Variants in SFN observed in about 807,000 individuals in gnomAD.
SFN encodes 14-3-3 protein sigma.
Under a neutral mutation model 19.1 loss-of-function variants are expected in SFN, and 5 were observed. That is an observed-to-expected ratio of 0.26 (90% CI 0.14 to 0.55). SFN has a LOEUF of 0.55. Ranked by LOEUF, SFN falls within the 20% of genes least tolerant of loss-of-function variation. The pLI is 0.94. For missense variants in SFN, 287 were observed against 330.0 expected (o/e 0.87, Z 1.01); for synonymous variants, 130 against 140.9 (o/e 0.92, Z 0.55).
chr1:26,864,010 G>T lies in SFN; in HGVS notation c.*51G>T, dbSNP rs764533155. On this transcript the variant is annotated 3_prime_UTR_variant, in exon 1 of 1. Coordinates refer to ENST00000339276, the MANE Select transcript of SFN (RefSeq NM_006142.5). This position sits in a 1 kb window ranked among gnomAD's most constrained non-coding sequence, Gnocchi z 5.2. ...GCCCCCTCCAGTCCCCCACCCTGCCGAGAGGACTAGTATGGGGTGGGAGGC... is the reference window on the plus strand; with the variant it reads ...GCCCCCTCCAGTCCCCCACCCTGCCTAGAGGACTAGTATGGGGTGGGAGGC... 3 of 1,402,582 alleles carry T rather than the reference G, an allele frequency of 2.1e-6. No homozygotes were observed. The highest frequency in any genetic ancestry group is 2.9e-6 in the Non-Finnish European group (3 of 1,049,854). The allele number at this position is 1,402,582 out of a possible 1,614,324, so 86.9% of individuals were successfully genotyped here.
Position 26,863,915 on chromosome 1 carries a change from G to T in SFN, c.703G>T (p.Ala235Ser). 6.2e-7 allele frequency: 1 copy of T among 1,613,954 alleles called. No individual in the cohort carries two copies. Among genetic ancestry groups the T allele is most frequent in the Non-Finnish European group, 8.5e-7 (1 of 1,179,922 alleles). ...DNLTLWTADN[A>S]GEEGGEAPQE... ...CCTGACACTGTGGACGGCCGACAACGCCGGGGAAGAGGGGGGCGAGGCTCC... is the reference window on the plus strand; with the variant it reads ...CCTGACACTGTGGACGGCCGACAACTCCGGGGAAGAGGGGGGCGAGGCTCC... The change falls in exon 1 of 1, where the codon GCC (alanine) becomes TCC (serine). Residue 235 changes from alanine (A) to serine (S), a missense_variant. Coordinates refer to ENST00000339276, the MANE Select transcript of SFN (RefSeq NM_006142.5). This position sits in a 1 kb window ranked among gnomAD's most constrained non-coding sequence, Gnocchi z 7.4.
At position 26,864,067 on chromosome 1, in the gene SFN, T is replaced by G. The variant is rs1356131308; in HGVS notation, c.*108T>G. On this transcript the variant is annotated 3_prime_UTR_variant, in exon 1 of 1. Transcript: ENST00000339276. This position sits in a 1 kb window ranked among gnomAD's most constrained non-coding sequence, Gnocchi z 5.2. ...CTTCTCCCCTAGGCGCTGTTCTTGC[T>G]CCAAAGGGCTCCGTGGAGAGGGACT... 1 of 999,940 alleles carries G rather than the reference T, an allele frequency of 1.0e-6. No homozygotes were observed. The highest frequency in any genetic ancestry group is 1.4e-6 in the Non-Finnish European group (1 of 690,378). The allele number at this position is 999,940 out of a possible 1,614,324, so 61.9% of individuals were successfully genotyped here.
At position 26,863,863 on chromosome 1, in the gene SFN, C is replaced by A; in HGVS notation, c.651C>A (p.Thr217=). 1.9e-6 allele frequency: 3 copies of A among 1,614,142 alleles called. No homozygotes were observed. The highest frequency in any genetic ancestry group is 2.5e-6 in the Non-Finnish European group (3 of 1,180,010). The change falls in exon 1 of 1, where the codon ACC becomes ACA. Residue 217 remains threonine, a synonymous_variant. Transcript: ENST00000339276. This position sits in a 1 kb window ranked among gnomAD's most constrained non-coding sequence, Gnocchi z 7.4. ...TLSEDSYKDS[T]LIMQLLRDNL... ...GCGAGGACTCCTACAAAGACAGCAC[C>A]CTCATCATGCAGCTGCTGCGAGACA...
chr1:26,864,180 G>A lies in SFN; in HGVS notation c.*221G>A. 1.8e-6 allele frequency: 1 copy of A among 556,174 alleles called. No individual in the cohort carries two copies. The highest frequency in any genetic ancestry group is 3.3e-6 in the Non-Finnish European group (1 of 305,132). 34.5% of individuals were successfully genotyped at this position (556,174 alleles called of 1,614,324 possible). ...AACCACTGGTCATGCCCCCACCCCT[G>A]CTCTCCGCACCCGCTTCCTCCCGAC... On this transcript the variant is annotated 3_prime_UTR_variant, in exon 1 of 1. Transcript: ENST00000339276. This position sits in a 1 kb window ranked among gnomAD's most constrained non-coding sequence, Gnocchi z 5.2.
rs1435547031 is a variant in SFN, at chr1:26,863,984, TGCCCC to T, written c.*26_*30del. ...AGTGTTGCCCGCCACCGCCCCGCCC[TGCCCC>T]CTCCAGTCCCCCACCCTGCCGAGAG... On this transcript the variant is annotated 3_prime_UTR_variant, in exon 1 of 1. Coordinates refer to ENST00000339276, the MANE Select transcript of SFN (RefSeq NM_006142.5). The surrounding 1 kb of genome is among the most constrained non-coding windows in gnomAD (Gnocchi z 7.4). 1.6e-6 allele frequency: 2 copies of T among 1,235,276 alleles called. No individual in the cohort carries two copies. Among genetic ancestry groups the T allele is most frequent in the East Asian group, 6.6e-5 (2 of 30,356 alleles). The allele number at this position is 1,235,276 out of a possible 1,614,324, so 76.5% of individuals were successfully genotyped here.
Position 26,863,744 on chromosome 1 carries a change from G to A in SFN, c.532G>A (p.Val178Ile), listed in dbSNP as rs771907479. Reference sequence around the variant, plus strand: ...CCTGGGCCTGGCCCTGAACTTTTCCGTCTTCCACTACGAGATCGCCAACAG... The same window carrying A: ...CCTGGGCCTGGCCCTGAACTTTTCCATCTTCCACTACGAGATCGCCAACAG... ...IRLGLALNFS[V>I]FHYEIANSPE... The change falls in exon 1 of 1, where the codon GTC (valine) becomes ATC (isoleucine). Residue 178 changes from valine to isoleucine, a missense_variant. Physicochemically the swap from Val to Ile is conservative, Grantham distance 29. Transcript: ENST00000339276. This position sits in a 1 kb window ranked among gnomAD's most constrained non-coding sequence, Gnocchi z 7.4. The A allele has an allele frequency of 4.3e-6, 7 of 1,614,024 alleles. No individual in the cohort carries two copies. Among genetic ancestry groups the A allele is most frequent in the Admixed American group, 1.7e-5 (1 of 60,008 alleles).
chr1:26,863,405 A>T lies in SFN; in HGVS notation c.193A>T (p.Ile65Phe). The change falls in exon 1 of 1, where the codon ATT becomes TTT. Residue 65 changes from isoleucine (I) to phenylalanine (F), a missense_variant. Transcript: ENST00000339276. This position sits in a 1 kb window ranked among gnomAD's most constrained non-coding sequence, Gnocchi z 7.4. ...QRAAWRVLSS[I>F]EQKSNEEGSE... is the part of the protein sequence containing the mutation. ...GGCTGCCTGGAGGGTGCTGTCCAGT[A>T]TTGAGCAGAAAAGCAACGAGGAGGG... The T allele has an allele frequency of 6.2e-7, 1 of 1,614,180 alleles. No individual in the cohort carries two copies. Among genetic ancestry groups the T allele is most frequent in the South Asian group, 1.1e-5 (1 of 91,080 alleles).
At position 26,863,686 on chromosome 1, in the gene SFN, CA is replaced by C; in HGVS notation, c.476del (p.Lys159ArgfsTer16). The C allele has an allele frequency of 6.2e-7, 1 of 1,614,104 alleles. No homozygotes were observed. Reference sequence around the variant, plus strand: ...CCTACCAGGAGGCCATGGACATCAGCAAGAAGGAGATGCCGCCCACCAACCC... The same window carrying C: ...CCTACCAGGAGGCCATGGACATCAGCAGAAGGAGATGCCGCCCACCAACCC... ...SAYQEAMDIS[K>X]KEMPPTNPIR... On this transcript the variant is annotated frameshift_variant, in exon 1 of 1. Transcript: ENST00000339276. LOFTEE classifies it high-confidence loss of function. This position sits in a 1 kb window ranked among gnomAD's most constrained non-coding sequence, Gnocchi z 7.4.
Position 26,864,036 on chromosome 1 carries a change from C to T in SFN, c.*77C>T, listed in dbSNP as rs1051489776. The T allele has an allele frequency of 6.3e-6, 8 of 1,271,170 alleles. No homozygotes were observed. In the African/African-American group the frequency reaches 1.2e-4, roughly 19 times the overall value. The allele number at this position is 1,271,170 out of a possible 1,614,324, so 78.7% of individuals were successfully genotyped here. ...AGAGGACTAGTATGGGGTGGGAGGC[C>T]CCACCCTTCTCCCCTAGGCGCTGTT... On this transcript the variant is annotated 3_prime_UTR_variant, in exon 1 of 1. Coordinates refer to ENST00000339276, the MANE Select transcript of SFN (RefSeq NM_006142.5). This position sits in a 1 kb window ranked among gnomAD's most constrained non-coding sequence, Gnocchi z 5.2.
At position 26,863,597 on chromosome 1, in the gene SFN, C is replaced by G. The variant is rs1230335721; in HGVS notation, c.385C>G (p.Arg129Gly). ...FYLKMKGDYY[R>G]YLAEVATGDD... is the part of the protein sequence containing the mutation. Reference sequence around the variant, plus strand: ...CCTGAAGATGAAGGGTGACTACTACCGCTACCTGGCCGAGGTGGCCACCGG... The same window carrying G: ...CCTGAAGATGAAGGGTGACTACTACGGCTACCTGGCCGAGGTGGCCACCGG... The change falls in exon 1 of 1, where the codon CGC (arginine) becomes GGC (glycine). Residue 129 changes from arginine to glycine, a missense_variant. Transcript: ENST00000339276. The surrounding 1 kb of genome is among the most constrained non-coding windows in gnomAD (Gnocchi z 7.4). 6.2e-7 allele frequency: 1 copy of G among 1,614,084 alleles called. No individual in the cohort carries two copies. Among genetic ancestry groups the G allele is most frequent in the South Asian group, 1.1e-5 (1 of 91,080 alleles).
Position 26,863,859 on chromosome 1 carries a change from G to A in SFN, c.647G>A (p.Ser216Asn). 2 of 1,614,176 alleles carry A rather than the reference G, an allele frequency of 1.2e-6. No homozygotes were observed. Among genetic ancestry groups the A allele is most frequent in the Non-Finnish European group, 8.5e-7 (1 of 1,180,020 alleles). The change falls in exon 1 of 1, where the codon AGC becomes AAC. Residue 216 changes from serine to asparagine, a missense_variant. By Grantham distance (46) the Ser-to-Asn change is conservative. Transcript: ENST00000339276. The surrounding 1 kb of genome is among the most constrained non-coding windows in gnomAD (Gnocchi z 7.4). ...HTLSEDSYKD[S>N]TLIMQLLRDN... ...CTCAGCGAGGACTCCTACAAAGACA[G>A]CACCCTCATCATGCAGCTGCTGCGA...
Position 26,864,260 on chromosome 1 carries a change from T to A in SFN, c.*301T>A. 2.3e-6 allele frequency: 1 copy of A among 442,070 alleles called. No homozygotes were observed. The highest frequency in any genetic ancestry group is 4.3e-6 in the Non-Finnish European group (1 of 232,852). The allele number at this position is 442,070 out of a possible 1,614,324, so 27.4% of individuals were successfully genotyped here. A position where few individuals can be genotyped will look rare whatever the true frequency, so the allele number is the denominator to read the frequency against. On this transcript the variant is annotated 3_prime_UTR_variant, in exon 1 of 1. Coordinates refer to ENST00000339276, the MANE Select transcript of SFN (RefSeq NM_006142.5). This position sits in a 1 kb window ranked among gnomAD's most constrained non-coding sequence, Gnocchi z 5.2. ...TTGCCTCCCTCCTGCCCCTGCTGCC[T>A]CTGATCGTAGGAATTGAGGAGTGTC... is the stretch of plus-strand genomic sequence containing the variant.
At position 26,864,071 on chromosome 1, in the gene SFN, A is replaced by C; in HGVS notation, c.*112A>C. ...TCCCCTAGGCGCTGTTCTTGCTCCA[A>C]AGGGCTCCGTGGAGAGGGACTGGCA... On this transcript the variant is annotated 3_prime_UTR_variant, in exon 1 of 1. Coordinates refer to ENST00000339276, the MANE Select transcript of SFN (RefSeq NM_006142.5). The surrounding 1 kb of genome is among the most constrained non-coding windows in gnomAD (Gnocchi z 5.2). 2.0e-6 allele frequency: 2 copies of C among 986,774 alleles called. No individual in the cohort carries two copies. Among genetic ancestry groups the C allele is most frequent in the Non-Finnish European group, 3.0e-6 (2 of 677,608 alleles). 61.1% of individuals were successfully genotyped at this position (986,774 alleles called of 1,614,324 possible). A position where few individuals can be genotyped will look rare whatever the true frequency, so the allele number is the denominator to read the frequency against.
Position 26,863,521 on chromosome 1 carries a change from G to A in SFN, c.309G>A (p.Leu103=), listed in dbSNP as rs1485053655. ...QGVCDTVLGL[L]DSHLIKEAGD... ...TGTGCGACACCGTGCTGGGCCTGCT[G>A]GACAGCCACCTCATCAAGGAGGCCG... The change falls in exon 1 of 1, where the codon CTG becomes CTA. Residue 103 remains leucine, a synonymous_variant. Coordinates refer to ENST00000339276, the MANE Select transcript of SFN (RefSeq NM_006142.5). The surrounding 1 kb of genome is among the most constrained non-coding windows in gnomAD (Gnocchi z 7.4). The A allele has an allele frequency of 1.2e-6, 2 of 1,613,980 alleles. No homozygotes were observed. The highest frequency in any genetic ancestry group is 1.1e-5 in the South Asian group (1 of 91,074).
rs751002391 is a variant in SFN, at chr1:26,864,446, CTG to C, written c.*490_*491del. On this transcript the variant is annotated 3_prime_UTR_variant, in exon 1 of 1. Transcript: ENST00000339276. This position sits in a 1 kb window ranked among gnomAD's most constrained non-coding sequence, Gnocchi z 5.2. ...CATGTTTCCTCTCAATAAAGTTCCC[CTG>C]TGACACTCCTCCTGTCTCTCTTCCA... The C allele has an allele frequency of 1.1e-3, 189 of 170,940 alleles. 2 individuals carry two copies. Among genetic ancestry groups the C allele is most frequent in the Non-Finnish European group, 1.6e-3 (113 of 70,708 alleles). 10.6% of individuals were successfully genotyped at this position (170,940 alleles called of 1,614,324 possible).
At position 26,863,518 on chromosome 1, in the gene SFN, G is replaced by A. The variant is rs1275978485; in HGVS notation, c.306G>A (p.Leu102=). The A allele has an allele frequency of 6.2e-7, 1 of 1,613,998 alleles. No individual in the cohort carries two copies. The highest frequency in any genetic ancestry group is 2.2e-5 in the East Asian group (1 of 44,874). The part of the protein sequence containing the change: ...LQGVCDTVLG[L]LDSHLIKEAG... ...GCGTGTGCGACACCGTGCTGGGCCT[G>A]CTGGACAGCCACCTCATCAAGGAGG... is the stretch of plus-strand genomic sequence containing the variant. Residue 102 remains leucine, a synonymous_variant, in exon 1 of 1, where the codon CTG becomes CTA. Coordinates refer to ENST00000339276, the MANE Select transcript of SFN (RefSeq NM_006142.5). This position sits in a 1 kb window ranked among gnomAD's most constrained non-coding sequence, Gnocchi z 7.4.
At position 26,863,552 on chromosome 1, in the gene SFN, G is replaced by A. The variant is rs2081769843; in HGVS notation, c.340G>A (p.Ala114Thr). 2 of 1,613,962 alleles carry A rather than the reference G, an allele frequency of 1.2e-6. No individual in the cohort carries two copies. Among genetic ancestry groups the A allele is most frequent in the East Asian group, 2.2e-5 (1 of 44,870 alleles). The stretch of plus-strand genomic sequence containing the variant: ...CCACCTCATCAAGGAGGCCGGGGAC[G>A]CCGAGAGCCGGGTCTTCTACCTGAA... ...DSHLIKEAGD[A>T]ESRVFYLKMK... Residue 114 changes from alanine to threonine, a missense_variant, in exon 1 of 1, where the codon GCC becomes ACC. Physicochemically the swap from Ala to Thr is moderately conservative, Grantham distance 58. Transcript: ENST00000339276. This position sits in a 1 kb window ranked among gnomAD's most constrained non-coding sequence, Gnocchi z 7.4.
rs1431911960 is a variant in SFN, at chr1:26,863,862, C to T, written c.650C>T (p.Thr217Ile). 6.2e-7 allele frequency: 1 copy of T among 1,614,028 alleles called. No individual in the cohort carries two copies. The highest frequency in any genetic ancestry group is 8.5e-7 in the Non-Finnish European group (1 of 1,180,006). The change falls in exon 1 of 1, where the codon ACC (threonine) becomes ATC (isoleucine). Residue 217 changes from threonine (T) to isoleucine (I), a missense_variant. Transcript: ENST00000339276. This position sits in a 1 kb window ranked among gnomAD's most constrained non-coding sequence, Gnocchi z 7.4. ...AGCGAGGACTCCTACAAAGACAGCACCCTCATCATGCAGCTGCTGCGAGAC... is the reference window on the plus strand; with the variant it reads ...AGCGAGGACTCCTACAAAGACAGCATCCTCATCATGCAGCTGCTGCGAGAC... The part of the protein sequence containing the change: ...TLSEDSYKDS[T>I]LIMQLLRDNL...
Position 26,864,330 on chromosome 1 carries a change from G to GGTGT in SFN, c.*403_*406dup, listed in dbSNP as rs3065004. The GGTGT allele has an allele frequency of 0.051, 10,258 of 202,428 alleles. 306 individuals carry two copies. The highest frequency in any genetic ancestry group is 0.072 in the African/African-American group (2,961 of 40,934). The allele number at this position is 202,428 out of a possible 1,614,324, so 12.5% of individuals were successfully genotyped here. ...TGGACAGTGGCAGGGGCTGGAGATGGGTGTGTGTGTGTGTGTGTGTGTGTG... is the reference window on the plus strand; with the variant it reads ...TGGACAGTGGCAGGGGCTGGAGATGGGTGTGTGTGTGTGTGTGTGTGTGTGTGTG... On this transcript the variant is annotated 3_prime_UTR_variant, in exon 1 of 1. Transcript: ENST00000339276. This position sits in a 1 kb window ranked among gnomAD's most constrained non-coding sequence, Gnocchi z 5.2.
Sources: allele counts gnomAD v4.1 joint callset, GRCh38; gene constraint gnomAD v4.1.1; non-coding constraint Gnocchi (gnomAD v3.1); transcripts MANE v1.5; gene names NCBI Gene and HGNC (gene_info 2026-07-23, HGNC 2026-07-21).